The following MYH11 variants were observed in gnomAD, a reference collection of about 807,000 sequenced individuals.
MYH11 encodes the protein myosin heavy chain 11.
In MYH11, 80 loss-of-function variants were observed where a neutral mutation model predicts 246.6. The observed-to-expected ratio is 0.32, with a 90% confidence interval of 0.27 to 0.39. MYH11 has a LOEUF of 0.39. Ranked by LOEUF, MYH11 falls within the 10% of genes least tolerant of loss-of-function variation. The probability of loss-of-function intolerance (pLI) is 1.00; values close to 1 mark genes in which losing one functional copy is unlikely to be tolerated. For missense variants in MYH11, 2,158 were observed against 2,546.8 expected (o/e 0.85, Z 3.29); for synonymous variants, 1,071 against 1,015.5 (o/e 1.05, Z -1.04).
At chr16:15,715,340 T>C in intron 38 of MYH11, 68 bp from the exon 39 acceptor site, 2 of 1,495,610 alleles carry the variant, frequency 1.3e-6, no homozygotes. Context: ...GTGTGTCACC[T>C]GGAGGTGGCA....
At chr16:15,824,606 A>G (rs1365978457) in intron 2 of MYH11, among the ~76,000 whole-genome samples, 2 of 152,178 alleles carry the variant, frequency 1.3e-5, no homozygotes, top group African/African-American at 4.8e-5. Flanking sequence ...TTAACTGAAC[A>G]TTGGAGGCAT....
intron 5 of MYH11, chr16:15,782,788 T>A: frequency 2.6e-6 from 1 of 388,574 alleles, no homozygotes; most frequent in Non-Finnish European, 4.9e-6. Context: ...GGTGATGTCA[T>A]TTACATCATG....
intron 31 of MYH11, among the ~76,000 whole-genome samples, chr16:15,723,027 A>G (rs1280989592): frequency 6.6e-6 from 1 of 152,180 alleles, no homozygotes; most frequent in Non-Finnish European, 1.5e-5. Context: ...TACAGGCGTG[A>G]GCCACCGTGC....
chr16:15,801,728 G>A (rs979564454), intron 3 of MYH11, among the ~76,000 whole-genome samples: 4 of 151,738 alleles, frequency 2.6e-5, no homozygotes, highest in Non-Finnish European at 4.4e-5. Context: ...AGGCTGAGGC[G>A]GGCAGATCAC....
At chr16:15,834,232 T>C (rs967381414) in intron 2 of MYH11, among the ~76,000 whole-genome samples, 2 of 151,914 alleles carry the variant, frequency 1.3e-5, no homozygotes, top group African/African-American at 4.8e-5. Flanking sequence ...TCTTTAGAAA[T>C]ATCCAACATA....
At position 15,798,628 on chromosome 16, in the gene MYH11, A is replaced by C. The variant is rs762833270; in HGVS notation, c.530+32T>G. ...CAGATTAAAAAAAAAAAAAAACAAA[A>C]AAAAAACAGAAGAAAAAGCAGTTCC... On this transcript the variant is annotated intron_variant, in intron 4 of 40. Transcript: ENST00000300036. 2.7e-5 allele frequency: 43 copies of C among 1,573,584 alleles called. No homozygotes were observed. In the East Asian group the frequency reaches 7.4e-4, roughly 27 times the overall value.
At chr16:15,735,836 G>T (rs1373623238) in intron 25 of MYH11, among the ~76,000 whole-genome samples, 3 of 152,264 alleles carry the variant, frequency 2.0e-5, no homozygotes, top group Non-Finnish European at 4.4e-5. Context: ...GTGTGCATGT[G>T]TGTGCAAGAA....
At chr16:15,710,215 AGT>A (rs1402375755) in intron 40 of MYH11, among the ~76,000 whole-genome samples, 1 of 152,168 alleles carries the variant, frequency 6.6e-6, no homozygotes, top group Admixed American at 6.5e-5. Flanking sequence ...GGAGGTGTCC[AGT>A]GTGTGCTAAA....
rs1466315809 is a variant in MYH11 at position 15,823,484 on chromosome 16, T to C, written c.346-73A>G. On this transcript the variant is annotated intron_variant, in intron 2 of 40. Coordinates refer to ENST00000300036, the MANE Select transcript of MYH11 (RefSeq NM_002474.3). ...CAGATTGCACAGAAGCACTCAATATTCTCATGTTAGAGATGGGGAAACTGG... is the reference window on the plus strand; with the variant it reads ...CAGATTGCACAGAAGCACTCAATATCCTCATGTTAGAGATGGGGAAACTGG... 8 of 1,583,576 alleles carry C rather than the reference T, an allele frequency of 5.1e-6. No individual in the cohort carries two copies. The African/African-American group carries it at 8.1e-5, about 16-fold the overall frequency.
At chr16:15,804,560 A>G (rs778348746) in intron 3 of MYH11, among the ~76,000 whole-genome samples, 24 of 152,138 alleles carry the variant, frequency 1.6e-4, no homozygotes, top group Admixed American at 8.5e-4. Flanking sequence ...ACTAAAGTGC[A>G]TAATTCAGGA....
Position 15,724,230 on chromosome 16 carries a change from C to T in MYH11, c.4296G>A (p.Leu1432=), listed in dbSNP as rs373591888. ...KNRLQQELDD[L]VVDLDNQRQL... is the part of the protein sequence containing the mutation. ...GCCGCTGGTTGTCCAAATCAACAACCAGGTCGTCCAGCTCCTGCTGAAGCC... is the reference window on the plus strand; with the variant it reads ...GCCGCTGGTTGTCCAAATCAACAACTAGGTCGTCCAGCTCCTGCTGAAGCC... Residue 1432 remains leucine, a synonymous_variant, in exon 31 of 41, where the codon CTG becomes CTA. Coordinates refer to ENST00000300036, the MANE Select transcript of MYH11 (RefSeq NM_002474.3). The T allele has an allele frequency of 4.3e-5, 69 of 1,614,082 alleles. No homozygotes were observed. The highest frequency in any genetic ancestry group is 9.9e-5 in the South Asian group (9 of 91,082).
Position 15,726,990 on chromosome 16 carries a change from T to C in MYH11, c.3716A>G (p.Glu1239Gly). Residue 1239 changes from glutamate to glycine, a missense_variant, in exon 28 of 41, where the codon GAG (glutamate) becomes GGG (glycine). Around this residue, in one of 11 missense-constraint regions of MYH11, gnomAD observed 1,013 missense variants for 993.5 expected, o/e 1.02. Transcript: ENST00000300036. ...LEKENADLAG[E>G]LRVLGQAKQE... ...CTTGGCCTGGCCCAGGACCCGCAGC[T>C]CCCCGGCCAGGTCTGCGTTCTCTTT... 6.2e-7 allele frequency: 1 copy of C among 1,611,998 alleles called. No homozygotes were observed. The highest frequency in any genetic ancestry group is 8.5e-7 in the Non-Finnish European group (1 of 1,178,914).
At chr16:15,724,062 G>A in intron 31 of MYH11, 99 bp downstream of exon 31, 2 of 1,584,916 alleles carry the variant, frequency 1.3e-6, no homozygotes, top group South Asian at 2.2e-5. Context: ...AGTGGAGAGG[G>A]GATGCAGGCA....
At chr16:15,833,654 T>C (rs1480702290) in intron 2 of MYH11, among the ~76,000 whole-genome samples, 1 of 152,190 alleles carries the variant, frequency 6.6e-6, no homozygotes, top group Admixed American at 6.5e-5. Flanking sequence ...ACAAGAGGTC[T>C]GCCAGAACCT....
intron 1 of MYH11, among the ~76,000 whole-genome samples, chr16:15,845,338 CTAGTGT>C (rs1443545714): frequency 7.0e-6 from 1 of 143,088 alleles, no homozygotes; most frequent in African/African-American, 2.6e-5. Context: ...ATCATTAGTG[CTAGTGT>C]ATTTTACGTG....
chr16:15,785,007 G>C, intron 5 of MYH11: 1 of 67,334 alleles, frequency 1.5e-5, no homozygotes, highest in Non-Finnish European at 2.5e-5. Flanking sequence ...TAATTCTCTT[G>C]ATTTTTTTTT....
rs76650310 is a variant in MYH11 at position 15,856,677 on chromosome 16, C to T, written c.-18+264G>A. Among the ~76,000 whole-genome samples the T allele has an allele frequency of 1.3e-3, 192 of 151,590 alleles. No individual in the cohort carries two copies. In the East Asian group the frequency reaches 0.023, roughly 18 times the overall value. On this transcript the variant is annotated intron_variant, in intron 1 of 40. Transcript: ENST00000300036. ...CTAGAGTTGGGAAATGGAGTTGGGT[C>T]CAGGCATTGATATCGTTAATAAGCA...
chr16:15,797,647 A>G (rs1284495793), intron 4 of MYH11, among the ~76,000 whole-genome samples: 1 of 150,868 alleles, frequency 6.6e-6, no homozygotes, highest in African/African-American at 2.4e-5. Context: ...TATATTTTCA[A>G]ATTCACCGAC....
intron 40 of MYH11, among the ~76,000 whole-genome samples, chr16:15,706,612 C>T (rs1007573390): frequency 6.6e-6 from 1 of 151,864 alleles, no homozygotes; most frequent in African/African-American, 2.4e-5. Context: ...GAGGCTGAGG[C>T]AGGAGAATTG....
Sources: gnomAD v4.1 joint callset for allele counts (sites outside exome capture counted in the v4.1 genomes callset) on GRCh38, gnomAD v4.1.1 for gene constraint, gnomAD v4.1.1 regional missense constraint, MANE v1.5 for transcripts, NCBI Gene and HGNC (gene_info 2026-07-23, HGNC 2026-07-21) for gene names.